The following ACER3 variants were observed in gnomAD, a reference collection of about 807,000 sequenced individuals.
ACER3 encodes the protein alkaline ceramidase 3, also known as alkCDase 3.
Under a neutral mutation model 48.9 loss-of-function variants are expected in ACER3, and 16 were observed. The observed-to-expected ratio is 0.33, with a 90% confidence interval of 0.22 to 0.50. ACER3 has a LOEUF of 0.50. Ranked by LOEUF, ACER3 falls within the 20% of genes least tolerant of loss-of-function variation. ACER3 has a pLI of 0.98. For synonymous variants in ACER3, 109 were observed against 107.8 expected, an observed-to-expected ratio of 1.01 and a Z score of -0.07; for missense variants, 227 against 326.0, an observed-to-expected ratio of 0.70 and a Z score of 2.34.
chr11:76,968,248 C>T (rs960235938), intron 3 of ACER3, among the ~76,000 whole-genome samples: 2 of 149,684 alleles, frequency 1.3e-5, no homozygotes, highest in African/African-American at 4.9e-5. Context: ...ATGTGAAGGA[C>T]GTCTTCAAGG....
At chr11:77,011,810 A>G (rs1949270143) in intron 7 of ACER3, among the ~76,000 whole-genome samples, 1 of 152,212 alleles carries the variant, frequency 6.6e-6, no homozygotes, top group African/African-American at 2.4e-5. Context: ...ATTAAATATT[A>G]AAAGGAGAAA....
In ACER3 at chr11:76,870,543, A is replaced by G. The variant is rs117691318; in HGVS notation, c.103+9464A>G. Among the ~76,000 whole-genome samples the G allele has an allele frequency of 1.6e-3, 250 of 152,294 alleles. 4 individuals carry two copies. The East Asian group carries it at 0.038, about 23-fold the overall frequency. ...TGTACAAATATCTCTTCAAGACCCT[A>G]AAGGTGGAACTGCTGGACGATGTGG... On this transcript the variant is annotated intron_variant, in intron 1 of 10. Coordinates refer to ENST00000532485, the MANE Select transcript of ACER3 (RefSeq NM_018367.7).
At chr11:76,932,641 A>T (rs1947038357) in intron 2 of ACER3, among the ~76,000 whole-genome samples, 1 of 152,210 alleles carries the variant, frequency 6.6e-6, no homozygotes, top group South Asian at 2.1e-4. Flanking sequence ...TTGTCCACTT[A>T]TTCTCCCAGA....
At chr11:76,935,066 A>G (rs1366774083) in intron 2 of ACER3, among the ~76,000 whole-genome samples, 1 of 152,182 alleles carries the variant, frequency 6.6e-6, no homozygotes, top group Non-Finnish European at 1.5e-5. Context: ...AGACGAAACA[A>G]AATTAGAATT....
chr11:76,995,620 A>G (rs1367414732), intron 6 of ACER3, among the ~76,000 whole-genome samples: 1 of 152,174 alleles, frequency 6.6e-6, no homozygotes, highest in Non-Finnish European at 1.5e-5. Context: ...TTATTAAAAA[A>G]AAAAACCTCT....
intron 2 of ACER3, among the ~76,000 whole-genome samples, chr11:76,936,821 A>C (rs952523852): frequency 6.6e-6 from 1 of 151,154 alleles, no homozygotes; most frequent in Non-Finnish European, 1.5e-5. Context: ...GGGTTCAGGC[A>C]GTTCTCCTGC....
Position 77,024,500 on chromosome 11 carries a change from G to T in ACER3, c.*4173G>T, listed in dbSNP as rs1320509764. On this transcript the variant is annotated 3_prime_UTR_variant, in exon 11 of 11. Coordinates refer to ENST00000532485, the MANE Select transcript of ACER3 (RefSeq NM_018367.7). ...CTGAAGATAAAACTCTGACTTTGGA[G>T]TATAAACTTTTGCCTTGAGTATGAA... 1.8e-4 allele frequency: 28 copies of T among 152,070 alleles called. No individual in the cohort carries two copies. Among genetic ancestry groups the T allele is most frequent in the Non-Finnish European group, 2.5e-4 (17 of 68,028 alleles). The allele number at this position is 152,070 out of a possible 1,614,324, so 9.4% of individuals were successfully genotyped here.
chr11:77,019,471 T>C (rs1317427871), intron 9 of ACER3: 1 of 373,192 alleles, frequency 2.7e-6, no homozygotes, highest in Non-Finnish European at 4.8e-6. Context: ...AAAAAAAGAA[T>C]TATGCTAAAT....
intron 2 of ACER3, among the ~76,000 whole-genome samples, chr11:76,939,041 A>AT: frequency 6.6e-6 from 1 of 152,166 alleles, no homozygotes; most frequent in Non-Finnish European, 1.5e-5. Flanking sequence ...ATCTGAACTT[A>AT]ATAATCTGAA....
intron 1 of ACER3, among the ~76,000 whole-genome samples, chr11:76,911,608 C>G (rs1174010881): frequency 2.6e-5 from 4 of 152,096 alleles, no homozygotes; most frequent in African/African-American, 9.7e-5. Context: ...TGGAGTTGCC[C>G]TGGTTCAAAT....
intron 1 of ACER3, among the ~76,000 whole-genome samples, chr11:76,910,880 G>A (rs1046993347): frequency 1.3e-4 from 20 of 152,282 alleles, no homozygotes; most frequent in African/African-American, 4.8e-4. Context: ...ATTATTATAT[G>A]ATAGAACATT....
intron 7 of ACER3, among the ~76,000 whole-genome samples, chr11:77,005,276 C>T (rs782374751): frequency 2.0e-5 from 3 of 152,098 alleles, no homozygotes; most frequent in Non-Finnish European, 4.4e-5. Flanking sequence ...ACCTTGTGAT[C>T]CGCTGGCCGT....
At chr11:76,887,965 A>G (rs180672631) in intron 1 of ACER3, among the ~76,000 whole-genome samples, 1 of 151,824 alleles carries the variant, frequency 6.6e-6, no homozygotes, top group Non-Finnish European at 1.5e-5. Flanking sequence ...CTACAGGTGC[A>G]TGCCACCACA....
At chr11:76,941,293 C>G (rs1947338256) in intron 2 of ACER3, among the ~76,000 whole-genome samples, 9 of 152,016 alleles carry the variant, frequency 5.9e-5, no homozygotes. Context: ...ATTTCAGAAA[C>G]AGACAATAAT....
At chr11:76,875,676 G>GA (rs1945354290) in intron 1 of ACER3, among the ~76,000 whole-genome samples, 1 of 86,238 alleles carries the variant, frequency 1.2e-5, no homozygotes, top group Non-Finnish European at 2.5e-5. Context: ...TTAATTCCTT[G>GA]TTTTTTTTTT....
chr11:76,974,898 A>G (rs1436273976), intron 3 of ACER3, among the ~76,000 whole-genome samples: 2 of 152,242 alleles, frequency 1.3e-5, no homozygotes, highest in Non-Finnish European at 2.9e-5. Context: ...TGTAATCTGC[A>G]GACCTATTTC....
intron 1 of ACER3, among the ~76,000 whole-genome samples, chr11:76,912,678 G>A (rs955947704): frequency 4.6e-5 from 7 of 150,694 alleles, no homozygotes; most frequent in Middle Eastern, 3.4e-3. Flanking sequence ...TGGAGGCAGC[G>A]CAGTCGTCAG....
intron 1 of ACER3, among the ~76,000 whole-genome samples, chr11:76,867,204 C>A (rs1452965349): frequency 6.6e-6 from 1 of 152,148 alleles, no homozygotes; most frequent in Non-Finnish European, 1.5e-5. Flanking sequence ...CATGGTGGCT[C>A]ATGCCTGTAA....
intron 3 of ACER3, among the ~76,000 whole-genome samples, chr11:76,962,836 G>C (rs1163399594): frequency 1.3e-5 from 2 of 151,360 alleles, no homozygotes; most frequent in Non-Finnish European, 2.9e-5. Flanking sequence ...GAAAATTCCT[G>C]GAAAAAGGTA....
Sources: gnomAD v4.1 joint callset for allele counts (sites outside exome capture counted in the v4.1 genomes callset) on GRCh38, gnomAD v4.1.1 for gene constraint, MANE v1.5 for transcripts, NCBI Gene and HGNC (gene_info 2026-07-23, HGNC 2026-07-21) for gene names.